Variants in BEND3 observed in about 807,000 individuals in gnomAD.
The protein encoded by BEND3 is BEN domain containing 3.
A neutral mutation model predicts 60.1 loss-of-function variants in BEND3; 13 were observed. That is an observed-to-expected ratio of 0.22 (90% CI 0.14 to 0.34). BEND3 has a LOEUF of 0.34. BEND3 is among the 10% of genes least tolerant of loss of function. BEND3 has a pLI of 1.00. For missense variants in BEND3, 896 were observed against 1,138.1 expected, an observed-to-expected ratio of 0.79 and a Z score of 3.06; for synonymous variants, 497 against 491.5, an observed-to-expected ratio of 1.01 and a Z score of -0.15.
At chr6:107,088,540 C>T (rs1775405045) in intron 3 of BEND3, among the ~76,000 whole-genome samples, 1 of 152,004 alleles carries the variant, frequency 6.6e-6, no homozygotes, top group Non-Finnish European at 1.5e-5. Flanking sequence ...TCCACTATAC[C>T]TAGGCATACT....
Position 107,070,344 on chromosome 6 carries a change from C to T in BEND3, c.847G>A (p.Asp283Asn). Residue 283 changes from aspartate (D) to asparagine (N), a missense_variant, in exon 4 of 4, where the codon GAC becomes AAC. This residue lies in a region of BEND3 where 846 missense variants were observed against 1,036.7 expected (regional missense o/e 0.82). Coordinates refer to ENST00000369042, the MANE Select transcript of BEND3 (RefSeq NM_001367314.1). The surrounding 1 kb of genome is among the most constrained non-coding windows in gnomAD (Gnocchi z 6.9). ...CAGGCACTGCAGCCCCGGGAGAAGT[C>T]CACGTCGCTGAAGAGCTCGGGGAAG... Reference protein sequence around the residue: ...QLFPELFSDVDFSRGCSACGF... With the variant: ...QLFPELFSDVNFSRGCSACGF... The T allele has an allele frequency of 6.2e-7, 1 of 1,612,512 alleles. No individual in the cohort carries two copies. Among genetic ancestry groups the T allele is most frequent in the Non-Finnish European group, 8.5e-7 (1 of 1,179,828 alleles).
In BEND3 at chr6:107,069,037, G is replaced by C; in HGVS notation, c.2154C>G (p.Pro718=). The change falls in exon 4 of 4, where the codon CCC becomes CCG. Residue 718 remains proline, a synonymous_variant. Transcript: ENST00000369042. ...VPSPDFPVPS[P]YLLSDKEVRE... is the part of the protein sequence containing the mutation. ...GCACCTCCTTGTCAGACAGCAGGTA[G>C]GGAGAAGGCACCGGGAAGTCAGGCG... 6.2e-7 allele frequency: 1 copy of C among 1,613,706 alleles called. No homozygotes were observed. Among genetic ancestry groups the C allele is most frequent in the South Asian group, 1.1e-5 (1 of 91,088 alleles).
At chr6:107,076,502 G>A (rs782119698) in intron 3 of BEND3, among the ~76,000 whole-genome samples, 1 of 152,190 alleles carries the variant, frequency 6.6e-6, no homozygotes, top group Non-Finnish European at 1.5e-5. Context: ...GGTTACAAGT[G>A]AGGGGTAAAT....
chr6:107,098,454 C>A, intron 3 of BEND3, 97 bp downstream of exon 3: 1 of 1,279,790 alleles, frequency 7.8e-7, no homozygotes, highest in Non-Finnish European at 1.1e-6. Flanking sequence ...CCCAAGGGTT[C>A]AGCAGTTGCC....
intron 1 of BEND3, among the ~76,000 whole-genome samples, chr6:107,104,393 G>C (rs1775771492): frequency 1.3e-5 from 2 of 151,902 alleles, no homozygotes; most frequent in South Asian, 2.1e-4. Flanking sequence ...TTTTAAGAGG[G>C]AAGATACATA....
chr6:107,098,652 C>T lies in BEND3; in HGVS notation c.139G>A (p.Val47Ile), dbSNP rs150917358. ...RTSEKHSVDS[V>I]LTALQDSSKR... ...CTGGAGTCCTGCAGGGCAGTGAGGA[C>T]GCTGTCCACAGAGTGCTTCTCAGAA... Residue 47 changes from valine to isoleucine, a missense_variant, in exon 3 of 4, where the codon GTC becomes ATC. Val to Ile is a conservative substitution (Grantham distance 29). This residue lies in a region of BEND3 where 846 missense variants were observed against 1,036.7 expected (regional missense o/e 0.82). Coordinates refer to ENST00000369042, the MANE Select transcript of BEND3 (RefSeq NM_001367314.1). 6.1e-4 allele frequency: 988 copies of T among 1,613,970 alleles called. 8 individuals carry two copies. In the African/African-American group the frequency reaches 0.012, roughly 19 times the overall value.
At chr6:107,096,699 C>G (rs1775592725) in intron 3 of BEND3, among the ~76,000 whole-genome samples, 1 of 152,178 alleles carries the variant, frequency 6.6e-6, no homozygotes, top group Admixed American at 6.6e-5. Context: ...TTGTCAGTAG[C>G]TGGAAAAGTA....
At chr6:107,107,243 G>A (rs1775836081) in intron 1 of BEND3, among the ~76,000 whole-genome samples, 1 of 151,890 alleles carries the variant, frequency 6.6e-6, no homozygotes. Context: ...AGCCCAAAAA[G>A]GTTTTTAACC....
chr6:107,071,165 A>G (rs1335082151), intron 3 of BEND3, among the ~76,000 whole-genome samples: 2 of 152,224 alleles, frequency 1.3e-5, no homozygotes, highest in African/African-American at 4.8e-5. Flanking sequence ...CCATTCCCTG[A>G]GAAAAGACTC....
chr6:107,080,374 A>C (rs1363456067), intron 3 of BEND3, among the ~76,000 whole-genome samples: 4 of 140,656 alleles, frequency 2.8e-5, no homozygotes, highest in South Asian at 2.1e-4. Flanking sequence ...AAAAAAAAAA[A>C]AAACAAAAAA....
rs1366730952 is a variant in BEND3 at position 107,085,465 on chromosome 6, G to GT, written c.240+13085dup. ...ATACCAGAGCATCCTCTTTTCTTTT[G>GT]TTTTTTCTTTCTTTTTAAATTTTAT... is the stretch of plus-strand genomic sequence containing the variant. On this transcript the variant is annotated intron_variant, in intron 3 of 3. Transcript: ENST00000369042. 2.0e-4 allele frequency among the ~76,000 whole-genome samples: 30 copies of GT among 152,030 alleles called. 1 individual carries two copies. The highest frequency in any genetic ancestry group is 6.5e-4 in the African/African-American group (27 of 41,528).
chr6:107,092,726 T>A (rs1554235421), intron 3 of BEND3, among the ~76,000 whole-genome samples: 1 of 152,048 alleles, frequency 6.6e-6, no homozygotes, highest in African/African-American at 2.4e-5. Flanking sequence ...ATGTAGAACA[T>A]CCAAAAGAAT....
At chr6:107,114,655 C>A (rs1490048733) in intron 1 of BEND3, among the ~76,000 whole-genome samples, 1 of 135,712 alleles carries the variant, frequency 7.4e-6, no homozygotes, top group Non-Finnish European at 1.7e-5. Flanking sequence ...GCCGCGAGTA[C>A]GGCAGAGCCT....
chr6:107,108,930 G>C (rs1402757403), intron 1 of BEND3, among the ~76,000 whole-genome samples: 2 of 152,060 alleles, frequency 1.3e-5, no homozygotes, highest in African/African-American at 4.8e-5. Flanking sequence ...TCAGCCTCCC[G>C]AGTAGCTGGG....
intron 3 of BEND3, among the ~76,000 whole-genome samples, chr6:107,096,915 G>A (rs1436226693): frequency 1.3e-5 from 2 of 151,888 alleles, no homozygotes; most frequent in Non-Finnish European, 2.9e-5. Context: ...GACCAACACT[G>A]CAGATGTTGC....
rs782537109 is a variant in BEND3, at chr6:107,070,686, G to A, written c.505C>T (p.Arg169Trp). The A allele has an allele frequency of 1.1e-5, 17 of 1,613,114 alleles. No individual in the cohort carries two copies. Among genetic ancestry groups the A allele is most frequent in the South Asian group, 3.3e-5 (3 of 91,036 alleles). Reference sequence around the variant, plus strand: ...CGCTTCTGTGGCTCATTCAGGAGCCGCAGTGACGAGGGGCTGTTGCTGGCG... The same window carrying A: ...CGCTTCTGTGGCTCATTCAGGAGCCACAGTGACGAGGGGCTGTTGCTGGCG... ...ANASNSPSSL[R>W]LLNEPQKRDC... Residue 169 changes from arginine to tryptophan, a missense_variant, in exon 4 of 4, where the codon CGG becomes TGG. Arg to Trp is a moderately radical substitution (Grantham distance 101, BLOSUM62 -3). Coordinates refer to ENST00000369042, the MANE Select transcript of BEND3 (RefSeq NM_001367314.1). The surrounding 1 kb of genome is among the most constrained non-coding windows in gnomAD (Gnocchi z 6.9).
At chr6:107,094,247 A>C (rs1291077302) in intron 3 of BEND3, among the ~76,000 whole-genome samples, 1 of 152,090 alleles carries the variant, frequency 6.6e-6, no homozygotes, top group African/African-American at 2.4e-5. Context: ...CTTAATAGCC[A>C]CTTCACCAAA....
chr6:107,086,644 G>A (rs755785234), intron 3 of BEND3, among the ~76,000 whole-genome samples: 2 of 151,902 alleles, frequency 1.3e-5, no homozygotes, highest in African/African-American at 4.8e-5. Flanking sequence ...CAGGACTGGA[G>A]AATGCTGCCC....
intron 1 of BEND3, among the ~76,000 whole-genome samples, chr6:107,103,987 G>GAA (rs869079107): frequency 7.9e-6 from 1 of 126,260 alleles, no homozygotes; most frequent in Non-Finnish European, 1.7e-5. Flanking sequence ...AAGAAAGAAA[G>GAA]AAAAAACAAA....
Sources: gnomAD v4.1 joint callset for allele counts (sites outside exome capture counted in the v4.1 genomes callset) on GRCh38, gnomAD v4.1.1 for gene constraint, gnomAD v4.1.1 regional missense constraint, Gnocchi (gnomAD v3.1) non-coding constraint, MANE v1.5 for transcripts, NCBI Gene and HGNC (gene_info 2026-07-23, HGNC 2026-07-21) for gene names.